Variants in GALNTL6 observed in about 807,000 individuals in gnomAD.
GALNTL6 encodes polypeptide N-acetylgalactosaminyltransferase-like 6.
In GALNTL6, 46 loss-of-function variants were observed where a neutral mutation model predicts 73.7. The observed-to-expected ratio is 0.62, with a 90% CI of 0.49 to 0.80. The LOEUF is 0.80. GALNTL6 is among the 30% of genes least tolerant of loss of function. The pLI is 0.00. For missense variants in GALNTL6, 604 were observed against 755.0 expected (o/e 0.80, Z 2.34); for synonymous variants, 259 against 263.7 (o/e 0.98, Z 0.17).
intron 4 of GALNTL6, among the ~76,000 whole-genome samples, chr4:172,320,708 TA>T: frequency 6.6e-6 from 1 of 151,980 alleles, no homozygotes; most frequent in East Asian, 1.9e-4. Context: ...GAACAGTTTA[TA>T]TCCCAGGGCA....
At chr4:172,330,778 C>T (rs1381754179) in intron 4 of GALNTL6, among the ~76,000 whole-genome samples, 1 of 151,960 alleles carries the variant, frequency 6.6e-6, no homozygotes, top group Non-Finnish European at 1.5e-5. Flanking sequence ...GTCTCTCTTC[C>T]CTTCTCTTTG....
chr4:172,877,314 C>CT (rs896084688), intron 7 of GALNTL6, among the ~76,000 whole-genome samples: 52 of 151,734 alleles, frequency 3.4e-4, no homozygotes, highest in African/African-American at 1.2e-3. Flanking sequence ...TAAACTCCAC[C>CT]TTTTTTTTCA....
chr4:172,970,497 G>T (rs576460671), intron 10 of GALNTL6, among the ~76,000 whole-genome samples: 1 of 152,178 alleles, frequency 6.6e-6, no homozygotes, highest in East Asian at 1.9e-4. Flanking sequence ...GCTAGGAGAA[G>T]AATTCAGCGA....
At chr4:173,038,133 T>C (rs1482213102) in intron 12 of GALNTL6, among the ~76,000 whole-genome samples, 2 of 152,202 alleles carry the variant, frequency 1.3e-5, no homozygotes, top group African/African-American at 4.8e-5. Flanking sequence ...CAAAGTGAAT[T>C]AGAATGTAGC....
chr4:173,033,642 C>G (rs1753562765), intron 12 of GALNTL6, among the ~76,000 whole-genome samples: 1 of 152,200 alleles, frequency 6.6e-6, no homozygotes, highest in African/African-American at 2.4e-5. Flanking sequence ...CCACTCCATT[C>G]ACTTTACAGA....
intron 2 of GALNTL6, among the ~76,000 whole-genome samples, chr4:172,124,801 A>G (rs565375554): frequency 6.6e-6 from 1 of 152,294 alleles, no homozygotes; most frequent in Admixed American, 6.5e-5. Flanking sequence ...TGATTGTACA[A>G]CATAATACAC....
intron 5 of GALNTL6, among the ~76,000 whole-genome samples, chr4:172,799,492 G>A (rs1000795051): frequency 3.3e-5 from 5 of 152,050 alleles, no homozygotes; most frequent in African/African-American, 1.2e-4. Context: ...TAGAATATTG[G>A]GTATTTAGTG....
intron 5 of GALNTL6, among the ~76,000 whole-genome samples, chr4:172,481,720 A>G (rs1733487544): frequency 6.6e-6 from 1 of 152,158 alleles, no homozygotes; most frequent in South Asian, 2.1e-4. Flanking sequence ...TGCATCCACG[A>G]ACCCTGAGCT....
At chr4:172,535,357 G>T (rs1488619145) in intron 5 of GALNTL6, among the ~76,000 whole-genome samples, 1 of 152,082 alleles carries the variant, frequency 6.6e-6, no homozygotes, top group South Asian at 2.1e-4. Flanking sequence ...TTTGGAACTA[G>T]CCCAAAATTT....
intron 5 of GALNTL6, among the ~76,000 whole-genome samples, chr4:172,683,366 A>G (rs1579332451): frequency 6.6e-6 from 1 of 152,216 alleles, no homozygotes; most frequent in African/African-American, 2.4e-5. Flanking sequence ...GAAATGGTTT[A>G]TCATGTCATT....
At chr4:172,078,767 A>G (rs969980554) in intron 2 of GALNTL6, among the ~76,000 whole-genome samples, 9 of 152,174 alleles carry the variant, frequency 5.9e-5, no homozygotes, top group Admixed American at 3.9e-4. Flanking sequence ...GTGTATTCGT[A>G]TCTTTTTTAT....
chr4:172,356,713 G>A (rs1742174726), intron 5 of GALNTL6, among the ~76,000 whole-genome samples: 1 of 152,130 alleles, frequency 6.6e-6, no homozygotes. Context: ...ATTTGTAGGT[G>A]ACATGGTACA....
In GALNTL6 at chr4:173,014,115, C is replaced by T. The variant is rs183867599; in HGVS notation, c.1488+4821C>T. On this transcript the variant is annotated intron_variant, in intron 11 of 12. Coordinates refer to ENST00000506823, the MANE Select transcript of GALNTL6 (RefSeq NM_001034845.3). The stretch of plus-strand genomic sequence containing the variant: ...TGTTACATGGGAAATAAAAAAGAGT[C>T]CATTGAAGGACCTGTATAAGAAAAT... Among the ~76,000 whole-genome samples, 1,272 of 151,628 alleles carry T rather than the reference C, an allele frequency of 8.4e-3. 14 individuals carry two copies. Among genetic ancestry groups the T allele is most frequent in the Non-Finnish European group, 0.012 (824 of 67,934 alleles).
At chr4:172,286,712 G>A (rs1001032502) in intron 3 of GALNTL6, among the ~76,000 whole-genome samples, 2 of 152,134 alleles carry the variant, frequency 1.3e-5, no homozygotes, top group Non-Finnish European at 2.9e-5. Context: ...GTTGGGGGAG[G>A]ACGGTGCACA....
intron 2 of GALNTL6, among the ~76,000 whole-genome samples, chr4:172,223,773 G>A (rs1288093275): frequency 6.6e-6 from 1 of 152,078 alleles, no homozygotes; most frequent in Non-Finnish European, 1.5e-5. Flanking sequence ...ATGATATGAT[G>A]TAAACCTTTC....
At chr4:172,459,230 A>G (rs1732519653) in intron 5 of GALNTL6, among the ~76,000 whole-genome samples, 1 of 152,200 alleles carries the variant, frequency 6.6e-6, no homozygotes, top group South Asian at 2.1e-4. Flanking sequence ...AATAAGAGCT[A>G]TTTATGACAA....
chr4:172,351,224 T>TATC (rs1156699477), intron 5 of GALNTL6, among the ~76,000 whole-genome samples: 3 of 152,140 alleles, frequency 2.0e-5, no homozygotes, highest in Admixed American at 6.6e-5. Context: ...TCTATCTATC[T>TATC]ATCTACCTCT....
chr4:172,218,662 T>A (rs755115142), intron 2 of GALNTL6, among the ~76,000 whole-genome samples: 3 of 152,124 alleles, frequency 2.0e-5, no homozygotes, highest in Non-Finnish European at 4.4e-5. Context: ...TTCAGTTTGT[T>A]TAGCTTTATT....
intron 2 of GALNTL6, among the ~76,000 whole-genome samples, chr4:172,010,979 T>C (rs1740989001): frequency 6.6e-6 from 1 of 152,060 alleles, no homozygotes; most frequent in South Asian, 2.1e-4. Flanking sequence ...AAAAATTTGA[T>C]TAATAGAGAA....
Sources: gnomAD v4.1 joint callset for allele counts (sites outside exome capture counted in the v4.1 genomes callset) on GRCh38, gnomAD v4.1.1 for gene constraint, MANE v1.5 for transcripts, NCBI Gene and HGNC (gene_info 2026-07-23, HGNC 2026-07-21) for gene names.